PAG1: variants seen among roughly 807,000 people sequenced by gnomAD.
The protein encoded by PAG1 is phosphoprotein membrane anchor with glycosphingolipid microdomains 1.
Under a neutral mutation model 31.7 loss-of-function variants are expected in PAG1, and 23 were observed. The observed-to-expected ratio is 0.73, with a 90% CI of 0.52 to 1.03. The LOEUF (loss-of-function observed/expected upper bound fraction) is 1.03. Among genes scored for constraint, PAG1 ranks in the 50% least tolerant of loss-of-function variants. PAG1 has a pLI of 0.00. For missense variants in PAG1, 473 were observed against 540.7 expected (o/e 0.87, Z 1.24); for synonymous variants, 214 against 210.3 (o/e 1.02, Z -0.15).
intron 8 of PAG1, 143 bp from the exon 9 acceptor site, chr8:80,977,049 A>C: frequency 1.4e-6 from 1 of 690,692 alleles, no homozygotes. Context: ...TGTACTAATT[A>C]TGGAGCACAT....
In PAG1 at chr8:81,104,918, G is replaced by C. The variant is rs1809669190; in HGVS notation, c.-234+6673C>G. ...ATGGCCCACAAGACCCTCCAAAAGT[G>C]GCTCCAGCCTCCGCTCTCCATCTCC... On this transcript the variant is annotated intron_variant, in intron 1 of 8. Coordinates refer to ENST00000220597, the MANE Select transcript of PAG1 (RefSeq NM_018440.4). Among the ~76,000 whole-genome samples the C allele has an allele frequency of 2.6e-5, 4 of 152,040 alleles. No homozygotes were observed. In the South Asian group the frequency reaches 8.3e-4, roughly 31 times the overall value.
intron 8 of PAG1, 106 bp from the exon 9 acceptor site, chr8:80,977,012 C>T (rs1181565077): frequency 2.0e-6 from 2 of 976,140 alleles, no homozygotes; most frequent in Non-Finnish European, 3.1e-6. Flanking sequence ...TGTGTGTGTA[C>T]TCCTTAAAGA....
chr8:81,060,631 T>C (rs920498413), intron 2 of PAG1, among the ~76,000 whole-genome samples: 1 of 152,238 alleles, frequency 6.6e-6, no homozygotes. Flanking sequence ...GCTAATTTAA[T>C]TTACTGCCTT....
intron 3 of PAG1, among the ~76,000 whole-genome samples, chr8:81,015,260 A>G (rs942546499): frequency 6.6e-6 from 1 of 152,248 alleles, no homozygotes; most frequent in Non-Finnish European, 1.5e-5. Context: ...AAAGAAATCA[A>G]TAACAATTTA....
intron 1 of PAG1, among the ~76,000 whole-genome samples, chr8:81,087,341 C>CAAAA (rs34830995): frequency 2.3e-4 from 23 of 98,280 alleles, no homozygotes; most frequent in African/African-American, 7.6e-4. Flanking sequence ...GACTCTGTCT[C>CAAAA]AAAAAAAAAA....
rs543139319 is a variant in PAG1 at position 81,048,744 on chromosome 8, TATATAA to T, written c.-174-18661_-174-18656del. On this transcript the variant is annotated intron_variant, in intron 2 of 8. Transcript: ENST00000220597. The stretch of plus-strand genomic sequence containing the variant: ...ATCAACGACGCTAGCATCATTCGTA[TATATAA>T]ATGTACATACATTTATTAGATGATC... Among the ~76,000 whole-genome samples the T allele has an allele frequency of 3.3e-5, 5 of 152,362 alleles. No individual in the cohort carries two copies. In the South Asian group the frequency reaches 1.0e-3, roughly 32 times the overall value.
At chr8:81,028,885 A>C (rs1808330042) in intron 3 of PAG1, among the ~76,000 whole-genome samples, 1 of 152,214 alleles carries the variant, frequency 6.6e-6, no homozygotes, top group African/African-American at 2.4e-5. Context: ...CAAGCCCTTC[A>C]GAAGAGAATA....
chr8:81,002,382 A>T (rs573009588), intron 3 of PAG1, among the ~76,000 whole-genome samples: 21 of 152,358 alleles, frequency 1.4e-4, no homozygotes, highest in African/African-American at 4.6e-4. Flanking sequence ...GCCTGGGCTA[A>T]CTACAAATGC....
intron 1 of PAG1, among the ~76,000 whole-genome samples, chr8:81,078,353 ACTAAGTC>A (rs976193478): frequency 2.7e-4 from 41 of 152,330 alleles, no homozygotes; most frequent in African/African-American, 9.6e-4. Flanking sequence ...AGGAATAAGA[ACTAAGTC>A]CTTCTTCACC....
At chr8:81,060,839 T>C (rs1484740267) in intron 2 of PAG1, among the ~76,000 whole-genome samples, 1 of 152,234 alleles carries the variant, frequency 6.6e-6, no homozygotes, top group African/African-American at 2.4e-5. Flanking sequence ...AAGCTGTTTT[T>C]TGTTTTACCT....
Position 80,968,250 on chromosome 8 carries a change from A to G in PAG1, c.*8294T>C, listed in dbSNP as rs1182442890. The G allele has an allele frequency of 6.6e-6, 1 of 152,200 alleles. No homozygotes were observed. The allele number at this position is 152,200 out of a possible 1,614,324, so 9.4% of individuals were successfully genotyped here. On this transcript the variant is annotated 3_prime_UTR_variant, in exon 9 of 9. Transcript: ENST00000220597. ...GTTGAAAGCATTCGTGCTTATCTCTATTATTTCGTTTGTCCCCATAACATC... is the reference window on the plus strand; with the variant it reads ...GTTGAAAGCATTCGTGCTTATCTCTGTTATTTCGTTTGTCCCCATAACATC...
chr8:81,050,580 TA>T (rs887410472), intron 2 of PAG1, among the ~76,000 whole-genome samples: 8 of 148,660 alleles, frequency 5.4e-5, no homozygotes, highest in East Asian at 2.0e-4. Context: ...AGTCCTGAAA[TA>T]AAAAAAAAAT....
chr8:81,101,029 T>G (rs545526768), intron 1 of PAG1, among the ~76,000 whole-genome samples: 5 of 152,352 alleles, frequency 3.3e-5, no homozygotes, highest in Admixed American at 1.3e-4. Flanking sequence ...AGATCTATAA[T>G]TCAGGATGTG....
chr8:80,991,104 C>T (rs1807536977), intron 5 of PAG1, among the ~76,000 whole-genome samples: 1 of 152,100 alleles, frequency 6.6e-6, no homozygotes, highest in Non-Finnish European at 1.5e-5. Flanking sequence ...CACCAGAAGC[C>T]CCAGGAGAGG....
Position 80,984,862 on chromosome 8 carries a change from G to A in PAG1, c.790C>T (p.Leu264Phe), listed in dbSNP as rs2130421438. 1.2e-6 allele frequency: 2 copies of A among 1,614,096 alleles called. No homozygotes were observed. The highest frequency in any genetic ancestry group is 1.7e-6 in the Non-Finnish European group (2 of 1,179,974). Residue 264 changes from leucine to phenylalanine, a missense_variant, in exon 7 of 9, where the codon CTT (leucine) becomes TTT (phenylalanine). Coordinates refer to ENST00000220597, the MANE Select transcript of PAG1 (RefSeq NM_018440.4). ...EEAPPPVPVK[L>F]LDENENLQEK... ...TGAAGGTTTTCATTCTCGTCCAGAAGCTTAACAGGGACAGGTGGTGGGGCC... is the reference window on the plus strand; with the variant it reads ...TGAAGGTTTTCATTCTCGTCCAGAAACTTAACAGGGACAGGTGGTGGGGCC...
At chr8:80,992,980 T>C in intron 4 of PAG1, 123 bp downstream of exon 4, 2 of 756,232 alleles carry the variant, frequency 2.6e-6, no homozygotes, top group Non-Finnish European at 4.2e-6. Context: ...TTAAAGCTAA[T>C]GCACAAGTTT....
chr8:81,022,682 A>G (rs1044622029), intron 3 of PAG1, among the ~76,000 whole-genome samples: 7 of 152,210 alleles, frequency 4.6e-5, no homozygotes, highest in Non-Finnish European at 1.0e-4. Context: ...ATCTATGTAT[A>G]TCTTCAATAA....
chr8:81,039,286 C>A (rs2130826371), intron 2 of PAG1: 1 of 152,262 alleles, frequency 6.6e-6, no homozygotes, highest in East Asian at 1.9e-4. Context: ...CACAGATATA[C>A]CATAAGTAGT....
chr8:81,004,557 C>T (rs1232238183), intron 3 of PAG1, among the ~76,000 whole-genome samples: 1 of 152,134 alleles, frequency 6.6e-6, no homozygotes, highest in Non-Finnish European at 1.5e-5. Context: ...AGGTAAAAAC[C>T]TGTTTAGGAT....
Sources: allele counts gnomAD v4.1 joint callset (sites outside exome capture counted in the v4.1 genomes callset), GRCh38; gene constraint gnomAD v4.1.1; transcripts MANE v1.5; gene names NCBI Gene and HGNC (gene_info 2026-07-23, HGNC 2026-07-21).